The following GRHL2 variants were observed in gnomAD, a reference collection of about 807,000 sequenced individuals.
The protein encoded by GRHL2 is grainyhead-like protein 2 homolog.
In GRHL2, 21 loss-of-function variants were observed where a neutral mutation model predicts 83.8. The observed-to-expected ratio is 0.25, with a 90% CI of 0.18 to 0.36. The LOEUF (loss-of-function observed/expected upper bound fraction) is 0.36, where lower values mean the gene tolerates loss of function less well. GRHL2 is among the 10% of genes least tolerant of loss of function. The pLI is 1.00. For synonymous variants in GRHL2, 280 were observed against 278.9 expected, an observed-to-expected ratio of 1.00 and a Z score of -0.04; for missense variants, 623 against 781.8, an observed-to-expected ratio of 0.80 and a Z score of 2.42.
intron 1 of GRHL2, among the ~76,000 whole-genome samples, chr8:101,510,609 T>G (rs1810441823): frequency 6.6e-6 from 1 of 152,166 alleles, no homozygotes; most frequent in South Asian, 2.1e-4. Flanking sequence ...AGCTTAAAAT[T>G]TACAAATATT....
chr8:101,571,335 C>T (rs1345743115), intron 5 of GRHL2, among the ~76,000 whole-genome samples: 1 of 151,848 alleles, frequency 6.6e-6, no homozygotes, highest in Non-Finnish European at 1.5e-5. Flanking sequence ...TGTTTTAAGA[C>T]CTTGGTTATG....
chr8:101,597,782 TAACA>T (rs1812422052), intron 7 of GRHL2, among the ~76,000 whole-genome samples: 1 of 151,938 alleles, frequency 6.6e-6, no homozygotes, highest in Non-Finnish European at 1.5e-5. Flanking sequence ...TATACATATG[TAACA>T]AACCTGCACA....
intron 8 of GRHL2, among the ~76,000 whole-genome samples, chr8:101,618,504 G>C (rs988740768): frequency 3.3e-5 from 5 of 151,996 alleles, no homozygotes; most frequent in African/African-American, 1.2e-4. Flanking sequence ...AAGTATATTT[G>C]TATCTACATT....
Position 101,630,219 on chromosome 8 carries a change from C to T in GRHL2, c.1258-1418C>T, listed in dbSNP as rs191436664. ...GTGAAGCCTTCATTGACCATAAATT[C>T]TCACTGTGTCATGGCGTCATGCTGG... is the stretch of plus-strand genomic sequence containing the variant. On this transcript the variant is annotated intron_variant, in intron 9 of 15. Transcript: ENST00000646743. Among the ~76,000 whole-genome samples the T allele has an allele frequency of 3.0e-3, 450 of 152,266 alleles. 1 individual carries two copies. The highest frequency in any genetic ancestry group is 9.9e-3 in the African/African-American group (411 of 41,558).
chr8:101,548,576 G>T (rs1034219505), intron 2 of GRHL2, among the ~76,000 whole-genome samples: 9 of 152,174 alleles, frequency 5.9e-5, no homozygotes, highest in African/African-American at 1.4e-4. Context: ...ATTAATCAAG[G>T]CAGAGAGTAC....
intron 7 of GRHL2, among the ~76,000 whole-genome samples, chr8:101,593,886 T>G (rs753905738): frequency 2.3e-4 from 35 of 151,126 alleles, no homozygotes; most frequent in Non-Finnish European, 3.8e-4. Context: ...GCCAACATGG[T>G]GAAACCCCAT....
the GRHL2 span, among the ~76,000 whole-genome samples, chr8:101,680,924 G>A: frequency 8.0e-6 from 1 of 124,228 alleles, no homozygotes; most frequent in African/African-American, 3.3e-5. Context: ...CGCATTCAAA[G>A]CAGTGTGTAG....
intron 7 of GRHL2, among the ~76,000 whole-genome samples, chr8:101,586,690 C>T (rs1009325035): frequency 7.2e-5 from 11 of 152,254 alleles, no homozygotes; most frequent in East Asian, 3.9e-4. Flanking sequence ...TGGTACAGAA[C>T]CTGGCAGAGA....
intron 1 of GRHL2, among the ~76,000 whole-genome samples, chr8:101,522,227 T>C (rs944664808): frequency 3.3e-5 from 5 of 151,920 alleles, no homozygotes; most frequent in African/African-American, 9.7e-5. Flanking sequence ...TATCCAAGGT[T>C]CCAAAACTGT....
intron 1 of GRHL2, among the ~76,000 whole-genome samples, chr8:101,505,588 A>AAAC (rs1554581145): frequency 6.6e-6 from 1 of 151,490 alleles, no homozygotes; most frequent in African/African-American, 2.4e-5. Context: ...AAAAAAAAAA[A>AAAC]AAAAAAAAAC....
intron 12 of GRHL2, among the ~76,000 whole-genome samples, chr8:101,637,382 C>T (rs1209707886): frequency 6.6e-6 from 1 of 152,160 alleles, no homozygotes; most frequent in Non-Finnish European, 1.5e-5. Flanking sequence ...AGCCCTGTCC[C>T]TGAGAAGTTA....
intron 9 of GRHL2, among the ~76,000 whole-genome samples, chr8:101,626,243 C>T (rs1380422059): frequency 6.6e-6 from 1 of 152,004 alleles, no homozygotes; most frequent in Admixed American, 6.6e-5. Flanking sequence ...ATTTACAGTT[C>T]TCCAGCTTGA....
At chr8:101,636,769 T>TAC (rs1813296206) in intron 11 of GRHL2, 128 bp from the exon 12 acceptor site, 24 of 668,278 alleles carry the variant, frequency 3.6e-5, no homozygotes, top group Middle Eastern at 2.8e-4. Flanking sequence ...ACACACACTG[T>TAC]TATTAAACAG....
intron 1 of GRHL2, among the ~76,000 whole-genome samples, chr8:101,536,090 A>G (rs551626746): frequency 6.6e-6 from 1 of 152,338 alleles, no homozygotes; most frequent in East Asian, 1.9e-4. Context: ...GCAAAGGTAT[A>G]GAAGTAAGAA....
intron 4 of GRHL2, among the ~76,000 whole-genome samples, chr8:101,564,043 G>C (rs924260556): frequency 1.3e-5 from 2 of 152,182 alleles, no homozygotes; most frequent in African/African-American, 4.8e-5. Flanking sequence ...AAAGAGGCTT[G>C]TGAAAGGAAG....
intron 14 of GRHL2, among the ~76,000 whole-genome samples, chr8:101,659,434 G>A (rs1284780361): frequency 6.6e-6 from 1 of 152,186 alleles, no homozygotes; most frequent in Non-Finnish European, 1.5e-5. Context: ...TGAGGAAATG[G>A]CAGCTCTAGA....
chr8:101,530,688 T>C (rs184160089), intron 1 of GRHL2, among the ~76,000 whole-genome samples: 11 of 152,328 alleles, frequency 7.2e-5, no homozygotes, highest in African/African-American at 2.6e-4. Flanking sequence ...CTGCCTGATA[T>C]GTACTCTCTA....
the GRHL2 span, among the ~76,000 whole-genome samples, chr8:101,678,578 C>A: frequency 4.6e-5 from 7 of 152,014 alleles, no homozygotes; most frequent in African/African-American, 7.2e-5. Context: ...GTGGAGCCCA[C>A]CACAGCTCAA....
At chr8:101,599,292 G>A in intron 8 of GRHL2, 141 bp downstream of exon 8, 4 of 695,758 alleles carry the variant, frequency 5.7e-6, no homozygotes, top group Non-Finnish European at 1.0e-5. Context: ...GAGGGTAAGG[G>A]AGAAAAGGGA....
Sources: gnomAD v4.1 joint callset for allele counts (sites outside exome capture counted in the v4.1 genomes callset) on GRCh38, gnomAD v4.1.1 for gene constraint, MANE v1.5 for transcripts, NCBI Gene and HGNC (gene_info 2026-07-23, HGNC 2026-07-21) for gene names.